The following BBOX1 variants were observed in gnomAD, a reference collection of about 807,000 sequenced individuals.
BBOX1 encodes gamma-butyrobetaine dioxygenase.
In BBOX1, 35 loss-of-function variants were observed where a neutral mutation model predicts 41.6. The ratio of observed to expected loss-of-function variants is 0.84; its 90% CI spans 0.64 to 1.11. The LOEUF (loss-of-function observed/expected upper bound fraction) is 1.11. Ranked by LOEUF, BBOX1 falls within the 50% of genes most tolerant of loss-of-function variation. The pLI, the probability that BBOX1 is intolerant of heterozygous loss-of-function variation, is 0.00. For synonymous variants in BBOX1, 163 were observed against 154.7 expected, an observed-to-expected ratio of 1.05 and a Z score of -0.40; for missense variants, 458 against 460.6, an observed-to-expected ratio of 0.99 and a Z score of 0.05.
intron 5 of BBOX1, among the ~76,000 whole-genome samples, chr11:27,101,862 C>A (rs1590213057): frequency 6.6e-6 from 1 of 152,090 alleles, no homozygotes; most frequent in Non-Finnish European, 1.5e-5. Context: ...GACCTGACAT[C>A]TACTTTGTTA....
At chr11:27,056,026 C>T (rs891017635) in intron 3 of BBOX1, among the ~76,000 whole-genome samples, 9 of 152,100 alleles carry the variant, frequency 5.9e-5, no homozygotes, top group Admixed American at 1.3e-4. Context: ...ATGCTCTTGT[C>T]CACATCCCGA....
At chr11:27,050,411 A>G (rs1851635181) in intron 2 of BBOX1, among the ~76,000 whole-genome samples, 1 of 152,108 alleles carries the variant, frequency 6.6e-6, no homozygotes, top group Non-Finnish European at 1.5e-5. Context: ...TTTTGATAGT[A>G]ATTGCACTGA....
At chr11:27,048,210 A>G (rs1476787356) in intron 2 of BBOX1, among the ~76,000 whole-genome samples, 3 of 152,114 alleles carry the variant, frequency 2.0e-5, no homozygotes, top group African/African-American at 7.2e-5. Flanking sequence ...GGATCTCCAG[A>G]ATTTATTTAT....
At chr11:27,066,739 T>C (rs1857297425) in intron 4 of BBOX1, 1 of 152,058 alleles carries the variant, frequency 6.6e-6, no homozygotes, top group Non-Finnish European at 1.5e-5. Flanking sequence ...ATACATACTA[T>C]TGATTTGCCA....
intron 5 of BBOX1, among the ~76,000 whole-genome samples, chr11:27,097,660 C>T (rs867812919): frequency 3.9e-5 from 6 of 151,986 alleles, no homozygotes; most frequent in East Asian, 1.9e-4. Flanking sequence ...AAAGTAACCC[C>T]GGACTTTTGG....
intron 8 of BBOX1, among the ~76,000 whole-genome samples, chr11:27,126,737 G>T: frequency 6.7e-6 from 1 of 148,298 alleles, no homozygotes; most frequent in Non-Finnish European, 1.5e-5. Context: ...GTACAGTGGC[G>T]TGATCTCGGC....
In BBOX1 at chr11:27,093,301, T is replaced by A. The variant is rs778454684; in HGVS notation, c.468T>A (p.Ser156=). ...GCATAGTAAGACTCACCGGAGCATC[T>A]GACAAACCAGGAGAAGTTTCAAAAC... The part of the protein sequence containing the change: ...KVGIVRLTGA[S]DKPGEVSKLG... Residue 156 remains serine, a synonymous_variant, in exon 5 of 9, where the codon TCT becomes TCA. Transcript: ENST00000263182. The A allele has an allele frequency of 6.2e-7, 1 of 1,612,572 alleles. No homozygotes were observed. Among genetic ancestry groups the A allele is most frequent in the Non-Finnish European group, 8.5e-7 (1 of 1,179,036 alleles).
intron 5 of BBOX1, among the ~76,000 whole-genome samples, chr11:27,093,718 G>A (rs1205169606): frequency 6.6e-6 from 1 of 151,906 alleles, no homozygotes; most frequent in Non-Finnish European, 1.5e-5. Context: ...TCAAGGTTCT[G>A]GCAGGGTTGG....
chr11:27,089,877 T>C (rs1858175498), intron 4 of BBOX1, among the ~76,000 whole-genome samples: 2 of 152,026 alleles, frequency 1.3e-5, no homozygotes, highest in Admixed American at 6.6e-5. Context: ...CCTTTCTAGT[T>C]AGGCAGTCAG....
At position 27,054,505 on chromosome 11, in the gene BBOX1, T is replaced by C. The variant is rs182481399; in HGVS notation, c.-38-888T>C. On this transcript the variant is annotated intron_variant, in intron 2 of 8. Coordinates refer to ENST00000263182, the MANE Select transcript of BBOX1 (RefSeq NM_003986.3). ...TGAAGGTCAAATATATAGTCACTAA[T>C]GGAATCAGGATCAACACCGTTGCTC... Among the ~76,000 whole-genome samples, 210 of 152,312 alleles carry C rather than the reference T, an allele frequency of 1.4e-3. 1 individual carries two copies. Among genetic ancestry groups the C allele is most frequent in the Non-Finnish European group, 2.4e-3 (160 of 68,032 alleles).
At chr11:27,112,175 G>A (rs12282206) in intron 5 of BBOX1, among the ~76,000 whole-genome samples, 2,610 of 152,024 alleles carry the variant, frequency 0.017, 86 homozygotes, top group African/African-American at 0.059. Flanking sequence ...CAATTGTAAG[G>A]AGCACAGCTT....
chr11:27,113,316 A>G (rs1859143529), intron 5 of BBOX1, among the ~76,000 whole-genome samples: 2 of 151,952 alleles, frequency 1.3e-5, no homozygotes, highest in Admixed American at 1.3e-4. Context: ...ACCCAAAGGA[A>G]TATAAATTGT....
chr11:27,045,105 G>A (rs1210013491), intron 2 of BBOX1, among the ~76,000 whole-genome samples: 5 of 151,940 alleles, frequency 3.3e-5, no homozygotes, highest in East Asian at 1.9e-4. Context: ...TTATTTCCTT[G>A]AGCAATGGTT....
chr11:27,051,057 T>G (rs1851655998), intron 2 of BBOX1, among the ~76,000 whole-genome samples: 1 of 152,096 alleles, frequency 6.6e-6, no homozygotes, highest in Non-Finnish European at 1.5e-5. Flanking sequence ...ATGTTGAATT[T>G]TATCAAATGC....
chr11:27,069,112 GA>G (rs1857370968), intron 4 of BBOX1, among the ~76,000 whole-genome samples: 1 of 151,690 alleles, frequency 6.6e-6, no homozygotes, highest in Non-Finnish European at 1.5e-5. Context: ...CTAATTCTGG[GA>G]AGAATAATGT....
chr11:27,127,181 G>A (rs1331183550), intron 8 of BBOX1, 112 bp from the exon 9 acceptor site: 5 of 1,150,684 alleles, frequency 4.3e-6, no homozygotes, highest in Admixed American at 2.5e-5. Flanking sequence ...AGAAATAAGC[G>A]ATGATTCTTG....
intron 5 of BBOX1, among the ~76,000 whole-genome samples, chr11:27,103,591 T>C (rs1181408226): frequency 1.3e-5 from 2 of 152,038 alleles, no homozygotes; most frequent in East Asian, 3.8e-4. Context: ...ATTTTTTTCT[T>C]TTCTTAATAC....
chr11:27,089,136 A>G (rs1481390568), intron 4 of BBOX1, among the ~76,000 whole-genome samples: 4 of 151,948 alleles, frequency 2.6e-5, no homozygotes, highest in South Asian at 4.1e-4. Flanking sequence ...TCTTTTCTTC[A>G]TGCATGACCT....
chr11:27,043,167 C>T (rs1851384566), intron 2 of BBOX1, among the ~76,000 whole-genome samples: 1 of 152,000 alleles, frequency 6.6e-6, no homozygotes, highest in Admixed American at 6.5e-5. Flanking sequence ...GGGTTCACGC[C>T]ATTCTCCTGC....
Sources: gnomAD v4.1 joint callset for allele counts (sites outside exome capture counted in the v4.1 genomes callset) on GRCh38, gnomAD v4.1.1 for gene constraint, MANE v1.5 for transcripts, NCBI Gene and HGNC (gene_info 2026-07-23, HGNC 2026-07-21) for gene names.